The following RAPGEF5 variants were observed in gnomAD, a reference collection of about 807,000 sequenced individuals.
RAPGEF5 encodes M-Ras-regulated GEF.
Under a neutral mutation model 125.2 loss-of-function variants are expected in RAPGEF5, and 65 were observed. The ratio of observed to expected loss-of-function variants is 0.52; its 90% confidence interval spans 0.43 to 0.64. The LOEUF (loss-of-function observed/expected upper bound fraction) is 0.64, where lower values mean the gene tolerates loss of function less well. Among genes scored for constraint, RAPGEF5 ranks in the 30% least tolerant of loss-of-function variants. The pLI is 0.00. For synonymous variants in RAPGEF5, 391 were observed against 385.9 expected (o/e 1.01, Z -0.16); for missense variants, 958 against 1,048.1 (o/e 0.91, Z 1.19).
At position 22,160,785 on chromosome 7, in the gene RAPGEF5, C is replaced by T. The variant is rs1222773416; in HGVS notation, c.1429-170G>A. Reference sequence around the variant, plus strand: ...AATGGGATCATAACTCGCAGCTCCTCTCTCAACTGCCATGGCTCTCTATCT... The same window carrying T: ...AATGGGATCATAACTCGCAGCTCCTTTCTCAACTGCCATGGCTCTCTATCT... On this transcript the variant is annotated intron_variant, in intron 13 of 25. Transcript: ENST00000665637. 2.6e-5 allele frequency among the ~76,000 whole-genome samples: 4 copies of T among 152,190 alleles called. No individual in the cohort carries two copies. The East Asian group carries it at 5.8e-4, about 22-fold the overall frequency.
intron 21 of RAPGEF5, among the ~76,000 whole-genome samples, chr7:22,138,372 T>C (rs1323822867): frequency 2.0e-5 from 3 of 152,340 alleles, no homozygotes; most frequent in South Asian, 4.1e-4. Flanking sequence ...ACAGAGACCA[T>C]GTGGCCTGCA....
intron 9 of RAPGEF5, among the ~76,000 whole-genome samples, chr7:22,205,175 G>A (rs1785371187): frequency 6.6e-6 from 1 of 152,180 alleles, no homozygotes; most frequent in Admixed American, 6.5e-5. Flanking sequence ...TCCACAACCT[G>A]TGATCCATTA....
At chr7:22,194,693 G>A (rs1201747077) in intron 9 of RAPGEF5, 2 of 985,102 alleles carry the variant, frequency 2.0e-6, no homozygotes, top group South Asian at 4.7e-5. Flanking sequence ...GCTGAAATTC[G>A]GATGCCATGG....
chr7:22,214,761 T>C (rs889043236), intron 9 of RAPGEF5, among the ~76,000 whole-genome samples: 1 of 147,578 alleles, frequency 6.8e-6, no homozygotes, highest in Non-Finnish European at 1.5e-5. Context: ...GCATGCCCTC[T>C]TTCGAAGGAC....
At chr7:22,257,899 A>G (rs1458360669) in intron 7 of RAPGEF5, among the ~76,000 whole-genome samples, 1 of 152,236 alleles carries the variant, frequency 6.6e-6, no homozygotes. Context: ...CAAAATAAGA[A>G]TGACAACTAT....
rs142382180 is a variant in RAPGEF5, at chr7:22,279,016, C to T, written c.748-12004G>A. Among the ~76,000 whole-genome samples, 4 of 152,164 alleles carry T rather than the reference C, an allele frequency of 2.6e-5. No homozygotes were observed. In the East Asian group the frequency reaches 7.7e-4, roughly 29 times the overall value. On this transcript the variant is annotated intron_variant, in intron 6 of 25. Coordinates refer to ENST00000665637, the MANE Select transcript of RAPGEF5 (RefSeq NM_012294.5). Reference sequence around the variant, plus strand: ...TTATATGTGTTTATAATTCCTTACCCAGCTACATAGCCTATTCAAACCTCT... The same window carrying T: ...TTATATGTGTTTATAATTCCTTACCTAGCTACATAGCCTATTCAAACCTCT...
Position 22,122,538 on chromosome 7 carries a change from GA to G in RAPGEF5, c.2537-18del. 1.9e-6 allele frequency: 3 copies of G among 1,561,564 alleles called. No individual in the cohort carries two copies. Among genetic ancestry groups the G allele is most frequent in the Non-Finnish European group, 1.8e-6 (2 of 1,133,970 alleles). ...ACAGGTCACCTGTTGTTTAGAGGGG[GA>G]AAAAAGACAATCTCAGGAGAGCAGT... On this transcript the variant is annotated intron_variant, in intron 25 of 25. Transcript: ENST00000665637.
At chr7:22,330,594 T>C (rs1048191635) in intron 1 of RAPGEF5, among the ~76,000 whole-genome samples, 8 of 152,228 alleles carry the variant, frequency 5.3e-5, no homozygotes, top group Non-Finnish European at 1.2e-4. Context: ...CTAAAGTGCT[T>C]AGGATCACTT....
intron 23 of RAPGEF5, among the ~76,000 whole-genome samples, chr7:22,133,948 A>G (rs1782999990): frequency 6.6e-6 from 1 of 152,230 alleles, no homozygotes; most frequent in African/African-American, 2.4e-5. Flanking sequence ...TGACTTTCAA[A>G]AAATGCAATA....
At chr7:22,347,365 G>A (rs754887034) in intron 1 of RAPGEF5, among the ~76,000 whole-genome samples, 1 of 152,058 alleles carries the variant, frequency 6.6e-6, no homozygotes, top group Non-Finnish European at 1.5e-5. Flanking sequence ...GATTTACTAT[G>A]ATATTTCTAT....
chr7:22,244,500 C>T (rs1176406341), intron 7 of RAPGEF5, among the ~76,000 whole-genome samples: 3 of 152,108 alleles, frequency 2.0e-5, no homozygotes, highest in East Asian at 1.9e-4. Context: ...AGGTTGCATG[C>T]TCCTTGTGAA....
rs73073205 is a variant in RAPGEF5, at chr7:22,352,505, A to G, written c.231+4325T>C. The stretch of plus-strand genomic sequence containing the variant: ...AGACTATGGACAAGATGCACTTAGA[A>G]TATCTTGCGTCAGAAAAGTAAGAAA... On this transcript the variant is annotated intron_variant, in intron 1 of 25. Transcript: ENST00000665637. Among the ~76,000 whole-genome samples the G allele has an allele frequency of 1.9e-3, 287 of 152,314 alleles. 1 individual carries two copies. Among genetic ancestry groups the G allele is most frequent in the South Asian group, 4.1e-3 (20 of 4,820 alleles).
chr7:22,297,682 A>AT (rs907443738), intron 5 of RAPGEF5, among the ~76,000 whole-genome samples: 8 of 152,234 alleles, frequency 5.3e-5, no homozygotes, highest in East Asian at 1.9e-4. Context: ...TAATCCTGTG[A>AT]TTTTTTTTAT....
rs1315130390 is a variant in RAPGEF5, at chr7:22,183,918, T to C, written c.1204+9449A>G. Among the ~76,000 whole-genome samples, 3 of 152,214 alleles carry C rather than the reference T, an allele frequency of 2.0e-5. No individual in the cohort carries two copies. The South Asian group carries it at 6.2e-4, about 32-fold the overall frequency. On this transcript the variant is annotated intron_variant, in intron 11 of 25. Coordinates refer to ENST00000665637, the MANE Select transcript of RAPGEF5 (RefSeq NM_012294.5). ...TATAGTCTGGAAGCTAAGGATCTAA[T>C]TTCTAAGGTCATTCTTTCCCCCTCA...
intron 7 of RAPGEF5, among the ~76,000 whole-genome samples, chr7:22,252,665 T>C (rs1261749275): frequency 6.6e-6 from 1 of 152,242 alleles, no homozygotes; most frequent in African/African-American, 2.4e-5. Context: ...AGGGCTATTT[T>C]CTTTTATAGT....
intron 9 of RAPGEF5, among the ~76,000 whole-genome samples, chr7:22,200,996 A>C (rs1785265402): frequency 6.6e-6 from 1 of 152,224 alleles, no homozygotes; most frequent in Admixed American, 6.5e-5. Context: ...GGGTTGTGAA[A>C]GTGTTTAATG....
At chr7:22,259,226 C>T (rs1415368844) in intron 7 of RAPGEF5, among the ~76,000 whole-genome samples, 3 of 152,094 alleles carry the variant, frequency 2.0e-5, no homozygotes, top group Non-Finnish European at 1.5e-5. Flanking sequence ...AGAAGACATA[C>T]AATAAGCACA....
intron 1 of RAPGEF5, among the ~76,000 whole-genome samples, chr7:22,355,456 T>C (rs538088403): frequency 6.6e-6 from 1 of 152,324 alleles, no homozygotes; most frequent in East Asian, 1.9e-4. Flanking sequence ...TTCCCTGGAT[T>C]CCTGCAAAGT....
chr7:22,251,824 T>C (rs894889497), intron 7 of RAPGEF5, among the ~76,000 whole-genome samples: 11 of 145,498 alleles, frequency 7.6e-5, no homozygotes, highest in African/African-American at 2.3e-4. Context: ...GAGACCTCTG[T>C]GTTTATGCTT....
Sources: allele counts gnomAD v4.1 joint callset (sites outside exome capture counted in the v4.1 genomes callset), GRCh38; gene constraint gnomAD v4.1.1; transcripts MANE v1.5; gene names NCBI Gene and HGNC (gene_info 2026-07-23, HGNC 2026-07-21).